Variants in PCDHB11 observed in about 807,000 individuals in gnomAD.
The protein encoded by PCDHB11 is protocadherin beta 11, also known as protocadherin beta-11.
For missense variants in PCDHB11, 1,151 were observed against 1,003.4 expected (o/e 1.15, Z -1.99); for synonymous variants, 522 against 442.0 (o/e 1.18, Z -2.27).
chr5:141,200,901 G>C lies in PCDHB11; in HGVS notation c.1127G>C (p.Gly376Ala). 1 of 1,614,166 alleles carries C rather than the reference G, an allele frequency of 6.2e-7. No individual in the cohort carries two copies. Among genetic ancestry groups the C allele is most frequent in the Admixed American group, 1.7e-5 (1 of 60,022 alleles). ...TTTAGTATCCAAGATATAGACTCTGGGGACAACGGAAGAATTGTTTGTTCC... is the reference window on the plus strand; with the variant it reads ...TTTAGTATCCAAGATATAGACTCTGCGGACAACGGAAGAATTGTTTGTTCC... ...MVFSIQDIDSGDNGRIVCSIP... is the reference protein window; with the variant it reads ...MVFSIQDIDSADNGRIVCSIP... Residue 376 changes from glycine (G) to alanine (A), a missense_variant, in exon 1 of 1, where the codon GGG becomes GCG. By Grantham distance (60) the Gly-to-Ala change is moderately conservative (BLOSUM62 0). Coordinates refer to ENST00000354757, the MANE Select transcript of PCDHB11 (RefSeq NM_018931.3).
Position 141,200,263 on chromosome 5 carries a change from A to T in PCDHB11, c.489A>T (p.Gly163=), listed in dbSNP as rs782622699. The T allele has an allele frequency of 3.7e-6, 6 of 1,614,184 alleles. No individual in the cohort carries two copies. The highest frequency in any genetic ancestry group is 1.6e-4 in the Middle Eastern group (1 of 6,062). ...LLESAKDLDV[G]INAVKSYTIS... ...AAAGTGCGAAGGATTTAGATGTAGG[A>T]ATCAATGCTGTAAAAAGCTACACAA... The change falls in exon 1 of 1, where the codon GGA becomes GGT. Residue 163 remains glycine, a synonymous_variant. Coordinates refer to ENST00000354757, the MANE Select transcript of PCDHB11 (RefSeq NM_018931.3).
At position 141,200,573 on chromosome 5, in the gene PCDHB11, T is replaced by A. The variant is rs1554285327; in HGVS notation, c.799T>A (p.Trp267Arg). Residue 267 changes from tryptophan (W) to arginine (R), a missense_variant, in exon 1 of 1, where the codon TGG becomes AGG. Trp to Arg is a moderately radical substitution (Grantham distance 101). Coordinates refer to ENST00000354757, the MANE Select transcript of PCDHB11 (RefSeq NM_018931.3). The part of the protein sequence containing the change: ...LGSLILIVSA[W>R]DLDSGTNGEI... ...CTCGCTGATTTTGATTGTCTCAGCTTGGGATTTAGACTCTGGAACAAATGG... is the reference window on the plus strand; with the variant it reads ...CTCGCTGATTTTGATTGTCTCAGCTAGGGATTTAGACTCTGGAACAAATGG... 4 of 1,614,090 alleles carry A rather than the reference T, an allele frequency of 2.5e-6. No individual in the cohort carries two copies. Among genetic ancestry groups the A allele is most frequent in the Non-Finnish European group, 3.4e-6 (4 of 1,180,046 alleles).
In PCDHB11 at chr5:141,202,214, AC is replaced by A; in HGVS notation, c.*48del. ...GCATGTACTTTTTTAGTTTTATGTA[AC>A]CATATCAATATTATTTAGTCTTAAA... On this transcript the variant is annotated 3_prime_UTR_variant, in exon 1 of 1. Coordinates refer to ENST00000354757, the MANE Select transcript of PCDHB11 (RefSeq NM_018931.3). 2 of 1,449,948 alleles carry A rather than the reference AC, an allele frequency of 1.4e-6. No individual in the cohort carries two copies. Among genetic ancestry groups the A allele is most frequent in the Non-Finnish European group, 1.9e-6 (2 of 1,071,394 alleles). 89.8% of individuals were successfully genotyped at this position (1,449,948 alleles called of 1,614,324 possible).
In PCDHB11 at chr5:141,202,013, C is replaced by CA. The variant is rs781978427; in HGVS notation, c.2240dup (p.Ser748GlufsTer16). The CA allele has an allele frequency of 6.2e-7, 1 of 1,614,214 alleles. No individual in the cohort carries two copies. Among genetic ancestry groups the CA allele is most frequent in the East Asian group, 2.2e-5 (1 of 44,886 alleles). ...CGTGAGCGGCACCGGGACCCTTTCC[C>CA]AGAGCTACCAGTACGAGGTGTGTCT... On this transcript the variant is annotated frameshift_variant, in exon 1 of 1. Transcript: ENST00000354757. LOFTEE classifies it low-confidence loss of function (END_TRUNC).
At position 141,201,912 on chromosome 5, in the gene PCDHB11, T is replaced by C; in HGVS notation, c.2138T>C (p.Leu713Pro). The C allele has an allele frequency of 2.5e-6, 4 of 1,612,838 alleles. No homozygotes were observed. The East Asian group carries it at 8.9e-5, about 36-fold the overall frequency. ...FSVLLFVAVR[L>P]CRRSRAASVG... ...GTGCTCCTGTTCGTGGCGGTGCGGC[T>C]GTGCAGGAGGAGCAGGGCGGCCTCG... Residue 713 changes from leucine to proline, a missense_variant, in exon 1 of 1, where the codon CTG becomes CCG. Transcript: ENST00000354757.
chr5:141,201,219 C>A lies in PCDHB11; in HGVS notation c.1445C>A (p.Thr482Asn). The A allele has an allele frequency of 6.2e-7, 1 of 1,613,240 alleles. No individual in the cohort carries two copies. Among genetic ancestry groups the A allele is most frequent in the Non-Finnish European group, 8.5e-7 (1 of 1,180,030 alleles). ...SVSATDRDSG[T>N]NAQVNYSLLP... ...AGCGCTACAGACAGAGACTCAGGCA[C>A]CAACGCCCAGGTCAACTACTCGCTA... Residue 482 changes from threonine (T) to asparagine (N), a missense_variant, in exon 1 of 1, where the codon ACC becomes AAC. Physicochemically the swap from Thr to Asn is moderately conservative, Grantham distance 65. Transcript: ENST00000354757.
chr5:141,201,641 G>A lies in PCDHB11; in HGVS notation c.1867G>A (p.Glu623Lys). Residue 623 changes from glutamate (E) to lysine (K), a missense_variant, in exon 1 of 1, where the codon GAG (glutamate) becomes AAG (lysine). Coordinates refer to ENST00000354757, the MANE Select transcript of PCDHB11 (RefSeq NM_018931.3). ...GLFGVWAHNGEVRTARLLSER... is the reference protein window; with the variant it reads ...GLFGVWAHNGKVRTARLLSER... ...ATTCGGCGTGTGGGCGCACAATGGC[G>A]AGGTGCGCACCGCCAGGCTGCTGAG... The A allele has an allele frequency of 1.2e-6, 2 of 1,606,798 alleles. No individual in the cohort carries two copies. Among genetic ancestry groups the A allele is most frequent in the Non-Finnish European group, 1.7e-6 (2 of 1,179,162 alleles).
chr5:141,200,242 T>A lies in PCDHB11; in HGVS notation c.468T>A (p.Ser156Arg). 3.7e-6 allele frequency: 6 copies of A among 1,614,132 alleles called. No individual in the cohort carries two copies. The highest frequency in any genetic ancestry group is 5.1e-6 in the Non-Finnish European group (6 of 1,180,010). Reference sequence around the variant, plus strand: ...TTGGTGCTGTGTTCTTACTAGAAAGTGCGAAGGATTTAGATGTAGGAATCA... The same window carrying A: ...TTGGTGCTGTGTTCTTACTAGAAAGAGCGAAGGATTTAGATGTAGGAATCA... ...SPVGAVFLLE[S>R]AKDLDVGINA... The change falls in exon 1 of 1, where the codon AGT (serine) becomes AGA (arginine). Residue 156 changes from serine (S) to arginine (R), a missense_variant. Physicochemically the swap from Ser to Arg is moderately radical, Grantham distance 110 (BLOSUM62 -1). Transcript: ENST00000354757.
chr5:141,201,877 C>T lies in PCDHB11; in HGVS notation c.2103C>T (p.Phe701=), dbSNP rs1371011440. ...VVALASVSSL[F]LFSVLLFVAV... ...CGTTGGCCTCGGTGTCTTCGCTCTT[C>T]CTCTTCTCGGTGCTCCTGTTCGTGG... The change falls in exon 1 of 1, where the codon TTC becomes TTT. Residue 701 remains phenylalanine, a synonymous_variant. Coordinates refer to ENST00000354757, the MANE Select transcript of PCDHB11 (RefSeq NM_018931.3). 6.2e-7 allele frequency: 1 copy of T among 1,612,018 alleles called. No homozygotes were observed. Among genetic ancestry groups the T allele is most frequent in the East Asian group, 2.2e-5 (1 of 44,866 alleles).
rs781872693 is a variant in PCDHB11, at chr5:141,200,079, G to C, written c.305G>C (p.Cys102Ser). 2 of 1,613,994 alleles carry C rather than the reference G, an allele frequency of 1.2e-6. No homozygotes were observed. Among genetic ancestry groups the C allele is most frequent in the African/African-American group, 1.3e-5 (1 of 74,892 alleles). ...GAGCTCTGCGGTTCCATCGAGCCTT[G>C]CGTGCTACATTTGCAGGTGTTAATG... Reference protein sequence around the residue: ...REELCGSIEPCVLHLQVLMQN... With the variant: ...REELCGSIEPSVLHLQVLMQN... Residue 102 changes from cysteine to serine, a missense_variant, in exon 1 of 1, where the codon TGC becomes TCC. Transcript: ENST00000354757.
At position 141,201,381 on chromosome 5, in the gene PCDHB11, G is replaced by C. The variant is rs782300907; in HGVS notation, c.1607G>C (p.Arg536Pro). Reference sequence around the variant, plus strand: ...GACTTCCGCGTGGGCGCCACAGACCGCGGCTCCCCGGCTTTGAGCAGCGAG... The same window carrying C: ...GACTTCCGCGTGGGCGCCACAGACCCCGGCTCCCCGGCTTTGAGCAGCGAG... ...AFDFRVGATD[R>P]GSPALSSEAL... is the part of the protein sequence containing the mutation. The change falls in exon 1 of 1, where the codon CGC becomes CCC. Residue 536 changes from arginine (R) to proline (P), a missense_variant. Arg to Pro is a moderately radical substitution (Grantham distance 103). Coordinates refer to ENST00000354757, the MANE Select transcript of PCDHB11 (RefSeq NM_018931.3). 3 of 1,612,542 alleles carry C rather than the reference G, an allele frequency of 1.9e-6. No homozygotes were observed. In the South Asian group the frequency reaches 3.3e-5, roughly 18 times the overall value.
Position 141,201,535 on chromosome 5 carries a change from C to G in PCDHB11, c.1761C>G (p.Thr587=). Residue 587 remains threonine (T), a synonymous_variant, in exon 1 of 1, where the codon ACC becomes ACG. Transcript: ENST00000354757. ...PRAAEPGYLV[T]KVVAVDGDSG... is the part of the protein sequence containing the mutation. ...CGGCCGAGCCGGGCTACCTGGTGAC[C>G]AAGGTGGTGGCGGTGGACGGCGACT... 6.2e-7 allele frequency: 1 copy of G among 1,609,096 alleles called. No homozygotes were observed. The highest frequency in any genetic ancestry group is 2.3e-4 in the Middle Eastern group (1 of 4,442).
rs782308933 is a variant in PCDHB11 at position 141,200,040 on chromosome 5, C to T, written c.266C>T (p.Thr89Ile). 6.2e-7 allele frequency: 1 copy of T among 1,614,104 alleles called. No individual in the cohort carries two copies. The highest frequency in any genetic ancestry group is 2.2e-5 in the East Asian group (1 of 44,876). The change falls in exon 1 of 1, where the codon ACA (threonine) becomes ATA (isoleucine). Residue 89 changes from threonine (T) to isoleucine (I), a missense_variant. By Grantham distance (89) the Thr-to-Ile change is moderately conservative. Transcript: ENST00000354757. ...ACTGGGGATTTGCTCTTAAGTGAAACACTAGACAGGGAGGAGCTCTGCGGT... is the reference window on the plus strand; with the variant it reads ...ACTGGGGATTTGCTCTTAAGTGAAATACTAGACAGGGAGGAGCTCTGCGGT... ...INTGDLLLSE[T>I]LDREELCGSI...
In PCDHB11 at chr5:141,201,149, T is replaced by A. The variant is rs781845735; in HGVS notation, c.1375T>A (p.Phe459Ile). The part of the protein sequence containing the change: ...PTFTQTSYTL[F>I]VRENNSPALH... ...CTTCACCCAAACCTCCTACACCCTG[T>A]TCGTCCGCGAGAACAACAGCCCCGC... The change falls in exon 1 of 1, where the codon TTC (phenylalanine) becomes ATC (isoleucine). Residue 459 changes from phenylalanine to isoleucine, a missense_variant. Transcript: ENST00000354757. The A allele has an allele frequency of 1.9e-6, 3 of 1,613,706 alleles. No homozygotes were observed. Among genetic ancestry groups the A allele is most frequent in the Non-Finnish European group, 1.7e-6 (2 of 1,180,044 alleles).
In PCDHB11 at chr5:141,202,086, T is replaced by C; in HGVS notation, c.2312T>C (p.Ile771Thr). 6.2e-7 allele frequency: 1 copy of C among 1,614,154 alleles called. No individual in the cohort carries two copies. The highest frequency in any genetic ancestry group is 8.5e-7 in the Non-Finnish European group (1 of 1,180,004). ...TNEFKFLKPV[I>T]PNIQAKGLGK... ...GAATTCAAGTTCCTAAAACCGGTTATCCCTAATATCCAGGCAAAAGGTCTT... is the reference window on the plus strand; with the variant it reads ...GAATTCAAGTTCCTAAAACCGGTTACCCCTAATATCCAGGCAAAAGGTCTT... Residue 771 changes from isoleucine (I) to threonine (T), a missense_variant, in exon 1 of 1, where the codon ATC becomes ACC. Transcript: ENST00000354757.
In PCDHB11 at chr5:141,200,432, C is replaced by G; in HGVS notation, c.658C>G (p.Pro220Ala). 2 of 1,614,126 alleles carry G rather than the reference C, an allele frequency of 1.2e-6. No individual in the cohort carries two copies. Among genetic ancestry groups the G allele is most frequent in the Admixed American group, 1.7e-5 (1 of 60,012 alleles). ...FILSALDGGS[P>A]PRSGTALVRV... ...CCTCTCTGCTCTGGATGGTGGGTCC[C>G]CTCCCAGGTCTGGAACTGCCTTGGT... Residue 220 changes from proline (P) to alanine (A), a missense_variant, in exon 1 of 1, where the codon CCT becomes GCT. Pro to Ala is a conservative substitution (Grantham distance 27). Transcript: ENST00000354757.
rs782123596 is a variant in PCDHB11 at position 141,201,193 on chromosome 5, C to G, written c.1419C>G (p.Val473=). ...GCCCCGCCCTGCACATCGGCAGTGT[C>G]AGCGCTACAGACAGAGACTCAGGCA... The part of the protein sequence containing the change: ...NNSPALHIGS[V]SATDRDSGTN... The change falls in exon 1 of 1, where the codon GTC becomes GTG. Residue 473 remains valine, a synonymous_variant. Coordinates refer to ENST00000354757, the MANE Select transcript of PCDHB11 (RefSeq NM_018931.3). The G allele has an allele frequency of 1.4e-5, 22 of 1,613,286 alleles. 1 individual carries two copies. Among genetic ancestry groups the G allele is most frequent in the South Asian group, 1.2e-4 (11 of 91,046 alleles).
At position 141,200,717 on chromosome 5, in the gene PCDHB11, TACTC is replaced by T. The variant is rs782016041; in HGVS notation, c.945_948del (p.Tyr315Ter). On this transcript the variant is annotated frameshift_variant, in exon 1 of 1. Transcript: ENST00000354757. LOFTEE classifies it low-confidence loss of function (END_TRUNC). ...TCTGGATTTTGAAACGATTGAGTCA[TACTC>T]AATAATCATTCAAGCCACAGATGGG... The T allele has an allele frequency of 1.2e-6, 2 of 1,614,098 alleles. No homozygotes were observed. The highest frequency in any genetic ancestry group is 1.1e-5 in the South Asian group (1 of 91,080).
Position 141,201,349 on chromosome 5 carries a change from G to A in PCDHB11, c.1575G>A (p.Gln525=). The change falls in exon 1 of 1, where the codon CAG becomes CAA. Residue 525 remains glutamine, a synonymous_variant. Transcript: ENST00000354757. ...GGTCGCTGGACTACGAGGCCCTGCAGGCTTTCGACTTCCGCGTGGGCGCCA... is the reference window on the plus strand; with the variant it reads ...GGTCGCTGGACTACGAGGCCCTGCAAGCTTTCGACTTCCGCGTGGGCGCCA... ...ALRSLDYEAL[Q]AFDFRVGATD... 1.2e-6 allele frequency: 2 copies of A among 1,613,266 alleles called. No homozygotes were observed. Among genetic ancestry groups the A allele is most frequent in the Non-Finnish European group, 1.7e-6 (2 of 1,179,924 alleles).
Sources: allele counts gnomAD v4.1 joint callset, GRCh38; gene constraint gnomAD v4.1.1; transcripts MANE v1.5; gene names NCBI Gene and HGNC (gene_info 2026-07-23, HGNC 2026-07-21).